The following ZNF385D variants were observed in gnomAD, a reference collection of about 807,000 sequenced individuals.
ZNF385D encodes the protein zinc finger protein 385D.
A neutral mutation model predicts 35.8 loss-of-function variants in ZNF385D; 15 were observed. The observed-to-expected ratio is 0.42, with a 90% confidence interval of 0.28 to 0.64. The LOEUF (loss-of-function observed/expected upper bound fraction) is 0.64, where lower values mean the gene tolerates loss of function less well. ZNF385D is among the 30% of genes least tolerant of loss of function. The pLI, the probability that ZNF385D is intolerant of heterozygous loss-of-function variation, is 0.23. For synonymous variants in ZNF385D, 212 were observed against 186.8 expected, an observed-to-expected ratio of 1.13 and a Z score of -1.10; for missense variants, 474 against 494.6, an observed-to-expected ratio of 0.96 and a Z score of 0.39.
chr3:22,037,450 C>G (rs560613737), intron 3 of ZNF385D, among the ~76,000 whole-genome samples: 2 of 151,976 alleles, frequency 1.3e-5, no homozygotes, highest in South Asian at 4.1e-4. Context: ...ATTTGCATTT[C>G]TCTGATGGCC....
At chr3:21,917,346 C>T (rs1032880047) in intron 3 of ZNF385D, among the ~76,000 whole-genome samples, 5 of 152,202 alleles carry the variant, frequency 3.3e-5, no homozygotes, top group South Asian at 2.1e-4. Context: ...GCAAGAGAAT[C>T]GCTTGAACTC....
intron 3 of ZNF385D, among the ~76,000 whole-genome samples, chr3:21,816,690 C>T (rs1479817940): frequency 6.6e-6 from 1 of 151,926 alleles, no homozygotes; most frequent in Non-Finnish European, 1.5e-5. Context: ...AAAGAGAACA[C>T]AAAAAAATGG....
chr3:22,181,874 T>G (rs369758938), intron 2 of ZNF385D, among the ~76,000 whole-genome samples: 41 of 152,142 alleles, frequency 2.7e-4, no homozygotes, highest in East Asian at 1.5e-3. Flanking sequence ...GAAAAAAATG[T>G]GATCTTATTA....
intron 3 of ZNF385D, among the ~76,000 whole-genome samples, chr3:21,785,830 AACCTAT>A (rs758579047): frequency 5.3e-5 from 8 of 152,186 alleles, no homozygotes; most frequent in Non-Finnish European, 1.2e-4. Context: ...GAAATATATA[AACCTAT>A]TTGACTAACT....
rs1272774367 is a variant in ZNF385D at position 22,161,401 on chromosome 3, C to A, written c.325+7416G>T. 2.6e-5 allele frequency among the ~76,000 whole-genome samples: 4 copies of A among 151,928 alleles called. No individual in the cohort carries two copies. In the East Asian group the frequency reaches 7.7e-4, roughly 29 times the overall value. On this transcript the variant is annotated intron_variant, in intron 3 of 5. Coordinates refer to the ZNF385D transcript ENST00000494108. The stretch of plus-strand genomic sequence containing the variant: ...CAGTATATATTAAACCATTTTATAA[C>A]AGCAGAAAAATAATCTTTATTTGTA...
intron 3 of ZNF385D, among the ~76,000 whole-genome samples, chr3:22,000,355 G>C (rs964369300): frequency 3.9e-5 from 6 of 151,902 alleles, no homozygotes; most frequent in Non-Finnish European, 8.8e-5. Context: ...CCGTCAAAGT[G>C]ACCTCTGGTC....
At chr3:22,011,200 G>A (rs143628004) in intron 3 of ZNF385D, among the ~76,000 whole-genome samples, 79 of 151,708 alleles carry the variant, frequency 5.2e-4, no homozygotes, top group East Asian at 1.9e-3. Flanking sequence ...ATATGTATAC[G>A]TAAGCAAAAA....
At chr3:22,135,443 A>C (rs1704046959) in intron 3 of ZNF385D, among the ~76,000 whole-genome samples, 1 of 152,182 alleles carries the variant, frequency 6.6e-6, no homozygotes, top group South Asian at 2.1e-4. Context: ...CCTCAGTATA[A>C]ATCTAACACT....
intron 2 of ZNF385D, among the ~76,000 whole-genome samples, chr3:22,360,727 C>A (rs1352881810): frequency 6.6e-6 from 1 of 151,948 alleles, no homozygotes; most frequent in Non-Finnish European, 1.5e-5. Flanking sequence ...TACATTGTCT[C>A]ACTCCTCTGT....
intron 1 of ZNF385D, among the ~76,000 whole-genome samples, chr3:21,686,803 G>C (rs2067120010): frequency 6.6e-6 from 1 of 152,184 alleles, no homozygotes; most frequent in Admixed American, 6.5e-5. Flanking sequence ...ATTAGTTATA[G>C]ATTCAAGGTT....
intron 3 of ZNF385D, among the ~76,000 whole-genome samples, chr3:21,912,603 C>G (rs776962448): frequency 6.6e-6 from 1 of 152,134 alleles, no homozygotes; most frequent in South Asian, 2.1e-4. Flanking sequence ...GAGACAGATA[C>G]AGATTGTGCA....
intron 3 of ZNF385D, among the ~76,000 whole-genome samples, chr3:21,992,217 A>C (rs1695192041): frequency 6.6e-6 from 1 of 152,156 alleles, no homozygotes; most frequent in Non-Finnish European, 1.5e-5. Flanking sequence ...AATTTCACAG[A>C]ATATAGATAT....
At chr3:21,682,342 G>C (rs1335581521) in intron 1 of ZNF385D, among the ~76,000 whole-genome samples, 2 of 150,154 alleles carry the variant, frequency 1.3e-5, no homozygotes, top group Non-Finnish European at 3.0e-5. Context: ...TTAAAGGACA[G>C]GCAAGTAAGA....
intron 3 of ZNF385D, among the ~76,000 whole-genome samples, chr3:21,812,315 A>G (rs1011041737): frequency 1.3e-5 from 2 of 152,210 alleles, no homozygotes; most frequent in Admixed American, 1.3e-4. Flanking sequence ...CTGAATTTCC[A>G]ACTGAGGTAC....
intron 3 of ZNF385D, among the ~76,000 whole-genome samples, chr3:21,560,717 C>A (rs901419230): frequency 6.6e-6 from 1 of 152,172 alleles, no homozygotes; most frequent in Non-Finnish European, 1.5e-5. Flanking sequence ...AGGCAGGGAA[C>A]ATTTACATCT....
intron 2 of ZNF385D, among the ~76,000 whole-genome samples, chr3:22,173,388 T>G (rs946859460): frequency 1.3e-5 from 2 of 152,152 alleles, no homozygotes; most frequent in African/African-American, 4.8e-5. Flanking sequence ...ATATCGACAA[T>G]AGAGAAAATT....
chr3:21,758,232 T>C (rs1252751612), intron 3 of ZNF385D, among the ~76,000 whole-genome samples: 1 of 152,210 alleles, frequency 6.6e-6, no homozygotes, highest in East Asian at 1.9e-4. Context: ...TGAAGGCTCT[T>C]ATGAGTCAAG....
At chr3:21,781,171 A>C (rs963715616) in intron 3 of ZNF385D, among the ~76,000 whole-genome samples, 26 of 151,944 alleles carry the variant, frequency 1.7e-4, no homozygotes, top group Non-Finnish European at 4.4e-5. Flanking sequence ...TGAAAAGTAT[A>C]AGACAAATGT....
chr3:21,585,920 G>C (rs1456226932), intron 2 of ZNF385D, among the ~76,000 whole-genome samples: 2 of 152,148 alleles, frequency 1.3e-5, no homozygotes, highest in African/African-American at 4.8e-5. Context: ...TGTAGTCCTA[G>C]TACTTTGAGA....
Sources: gnomAD v4.1 joint callset for allele counts (sites outside exome capture counted in the v4.1 genomes callset) on GRCh38, gnomAD v4.1.1 for gene constraint, MANE v1.5 for transcripts, NCBI Gene and HGNC (gene_info 2026-07-23, HGNC 2026-07-21) for gene names.